Variants in DPYSL2 observed in about 807,000 individuals in gnomAD.
DPYSL2 encodes dihydropyrimidinase like 2, also known as dihydropyrimidinase-related protein 2.
A neutral mutation model predicts 69.9 loss-of-function variants in DPYSL2; 13 were observed. The ratio of observed to expected loss-of-function variants is 0.19; its 90% CI spans 0.12 to 0.30. The LOEUF (loss-of-function observed/expected upper bound fraction) is 0.30. DPYSL2 is among the 10% of genes least tolerant of loss of function. The probability of loss-of-function intolerance (pLI) is 1.00; values close to 1 mark genes in which losing one functional copy is unlikely to be tolerated. For synonymous variants in DPYSL2, 326 were observed against 359.1 expected, an observed-to-expected ratio of 0.91 and a Z score of 1.04; for missense variants, 587 against 918.9, an observed-to-expected ratio of 0.64 and a Z score of 4.67.
chr8:26,568,034 C>T (rs1801180041), intron 1 of DPYSL2, among the ~76,000 whole-genome samples: 2 of 152,164 alleles, frequency 1.3e-5, no homozygotes. Flanking sequence ...TACACACTGC[C>T]CACAGATGTA....
chr8:26,520,657 T>C (rs997312977), intron 1 of DPYSL2, among the ~76,000 whole-genome samples: 5 of 152,230 alleles, frequency 3.3e-5, no homozygotes, highest in Non-Finnish European at 7.3e-5. Flanking sequence ...TTTCTAAGAT[T>C]AGAAATTAGA....
Position 26,597,854 on chromosome 8 carries a change from G to C in DPYSL2, c.628+13871G>C, listed in dbSNP as rs1801900134. 6.6e-6 allele frequency among the ~76,000 whole-genome samples: 1 copy of C among 151,596 alleles called. No homozygotes were observed. The highest frequency in any genetic ancestry group is 2.4e-5 in the African/African-American group (1 of 41,206). ...TTCTCAGAGTTGGAATTGTGTTCTG[G>C]GTATTGTTTTTCTCCTTTATGGAGA... On this transcript the variant is annotated intron_variant, in intron 3 of 13. Coordinates refer to ENST00000521913, the MANE Select transcript of DPYSL2 (RefSeq NM_001197293.3). This position sits in a 1 kb window ranked among gnomAD's most constrained non-coding sequence, Gnocchi z 5.2.
intron 1 of DPYSL2, among the ~76,000 whole-genome samples, chr8:26,568,565 A>G (rs1313000393): frequency 6.6e-6 from 1 of 152,224 alleles, no homozygotes; most frequent in East Asian, 1.9e-4. Flanking sequence ...ACTACTTTCA[A>G]GCATTCACAG....
intron 3 of DPYSL2, among the ~76,000 whole-genome samples, chr8:26,595,565 G>A (rs558133371): frequency 1.1e-3 from 164 of 152,356 alleles, no homozygotes; most frequent in African/African-American, 3.8e-3. Flanking sequence ...TAGGGGGGTT[G>A]CATTCCTCGC....
chr8:26,629,836 C>T (rs965808571), intron 7 of DPYSL2, among the ~76,000 whole-genome samples: 3 of 152,192 alleles, frequency 2.0e-5, no homozygotes, highest in African/African-American at 7.2e-5. Flanking sequence ...CTCAAGCTAT[C>T]CTCCCACCTC....
At chr8:26,557,207 A>AAGTAAAAAACCTTTTACTTCAAG in intron 1 of DPYSL2, among the ~76,000 whole-genome samples, 3 of 152,318 alleles carry the variant, frequency 2.0e-5, no homozygotes, top group Middle Eastern at 6.8e-3. Context: ...TGGACTTCAA[A>AAGTAAAAAACCTTTTACTTCAAG]AGTAAAAAAC....
chr8:26,596,256 A>G (rs1163998719), intron 3 of DPYSL2, among the ~76,000 whole-genome samples: 1 of 152,190 alleles, frequency 6.6e-6, no homozygotes, highest in African/African-American at 2.4e-5. Flanking sequence ...GTCACTTTGC[A>G]CAGTTAGATG....
At chr8:26,570,741 GAAAAAAAAAAAAAAAA>G (rs572040580) in intron 1 of DPYSL2, among the ~76,000 whole-genome samples, 1 of 108,302 alleles carries the variant, frequency 9.2e-6, no homozygotes, top group Non-Finnish European at 1.8e-5. Context: ...CTTAGAAAAG[GAAAAAAAAAAAAAAAA>G]AAAAAAAGAA....
At chr8:26,616,379 G>A (rs1181311268) in intron 3 of DPYSL2, among the ~76,000 whole-genome samples, 1 of 152,164 alleles carries the variant, frequency 6.6e-6, no homozygotes, top group Non-Finnish European at 1.5e-5. Context: ...ATTTTGCAGG[G>A]CATTTTGCAG....
At chr8:26,568,597 A>C (rs1461651897) in intron 1 of DPYSL2, among the ~76,000 whole-genome samples, 1 of 152,220 alleles carries the variant, frequency 6.6e-6, no homozygotes, top group Non-Finnish European at 1.5e-5. Context: ...AAATTGCCCC[A>C]AAGTGTCCTC....
chr8:26,540,983 A>T (rs1242842019), intron 1 of DPYSL2, among the ~76,000 whole-genome samples: 2 of 152,132 alleles, frequency 1.3e-5, no homozygotes, highest in Non-Finnish European at 2.9e-5. Context: ...TTGAACCATC[A>T]TAAGTCCAGA....
At position 26,657,059 on chromosome 8, in the gene DPYSL2, A is replaced by C. The variant is rs926694491; in HGVS notation, c.*1353A>C. 3 of 152,162 alleles carry C rather than the reference A, an allele frequency of 2.0e-5. No homozygotes were observed. Among genetic ancestry groups the C allele is most frequent in the African/African-American group, 7.2e-5 (3 of 41,426 alleles). 9.4% of individuals were successfully genotyped at this position (152,162 alleles called of 1,614,324 possible). ...GGGAGCTTTTTATTTTCGGGGAAAA[A>C]CCGTATTTTTTTCTTGTCCAATTAT... is the stretch of plus-strand genomic sequence containing the variant. On this transcript the variant is annotated 3_prime_UTR_variant, in exon 14 of 14. Coordinates refer to ENST00000521913, the MANE Select transcript of DPYSL2 (RefSeq NM_001197293.3).
rs1227848708 is a variant in DPYSL2, at chr8:26,620,752, CCTT to C, written c.629-3384_629-3382del. On this transcript the variant is annotated intron_variant, in intron 3 of 13. Coordinates refer to ENST00000521913, the MANE Select transcript of DPYSL2 (RefSeq NM_001197293.3). The surrounding 1 kb of genome is among the most constrained non-coding windows in gnomAD (Gnocchi z 4.5). The stretch of plus-strand genomic sequence containing the variant: ...GGGTCTTAGTGTCACCAGTACTTAT[CCTT>C]CTTCTTAGGAGGGATTTGTTTTTTT... Among the ~76,000 whole-genome samples, 6 of 151,984 alleles carry C rather than the reference CCTT, an allele frequency of 3.9e-5. No homozygotes were observed. Among genetic ancestry groups the C allele is most frequent in the African/African-American group, 1.2e-4 (5 of 41,370 alleles).
intron 8 of DPYSL2, among the ~76,000 whole-genome samples, chr8:26,638,987 G>C (rs539665360): frequency 2.6e-5 from 4 of 152,340 alleles, no homozygotes; most frequent in African/African-American, 9.6e-5. Flanking sequence ...GACCTCATCT[G>C]ATGGACATTC....
intron 1 of DPYSL2, among the ~76,000 whole-genome samples, chr8:26,515,660 T>A (rs1269281309): frequency 1.3e-5 from 2 of 152,256 alleles, no homozygotes; most frequent in Non-Finnish European, 2.9e-5. Context: ...ATCTGAGTGA[T>A]CCTTACACTA....
At chr8:26,577,894 G>C (rs1476978706) in intron 1 of DPYSL2, 2 of 1,140,834 alleles carry the variant, frequency 1.8e-6, no homozygotes, top group East Asian at 1.5e-4. Flanking sequence ...AGAGGAAAGG[G>C]AGTGGCTGGC....
intron 1 of DPYSL2, among the ~76,000 whole-genome samples, chr8:26,575,196 C>G (rs936713387): frequency 6.6e-6 from 1 of 152,188 alleles, no homozygotes; most frequent in Admixed American, 6.5e-5. Context: ...CTCCATGTTG[C>G]TGAGGCTGGT....
At chr8:26,576,592 G>A (rs1801349033) in intron 1 of DPYSL2, among the ~76,000 whole-genome samples, 3 of 152,184 alleles carry the variant, frequency 2.0e-5, no homozygotes, top group Middle Eastern at 3.2e-3. Flanking sequence ...GGCTTGGACA[G>A]GCAAAGCTAA....
At chr8:26,601,031 C>T (rs947861125) in intron 3 of DPYSL2, among the ~76,000 whole-genome samples, 9 of 152,226 alleles carry the variant, frequency 5.9e-5, no homozygotes, top group African/African-American at 2.2e-4. Context: ...CACTCTCAGC[C>T]ATGATATGGA....
Sources: gnomAD v4.1 joint callset for allele counts (sites outside exome capture counted in the v4.1 genomes callset) on GRCh38, gnomAD v4.1.1 for gene constraint, Gnocchi (gnomAD v3.1) non-coding constraint, MANE v1.5 for transcripts, NCBI Gene and HGNC (gene_info 2026-07-23, HGNC 2026-07-21) for gene names.